The following ESRRG variants were observed in gnomAD, a reference collection of about 807,000 sequenced individuals.
ESRRG encodes estrogen related receptor gamma.
Under a neutral mutation model 44.0 loss-of-function variants are expected in ESRRG, and 13 were observed. The ratio of observed to expected loss-of-function variants is 0.30; its 90% CI spans 0.19 to 0.47. The LOEUF is 0.47. ESRRG is among the 20% of genes least tolerant of loss of function. The pLI, the probability that ESRRG is intolerant of heterozygous loss-of-function variation, is 1.00. For synonymous variants in ESRRG, 215 were observed against 214.6 expected (o/e 1.00, Z -0.02); for missense variants, 395 against 580.6 (o/e 0.68, Z 3.29).
chr1:217,067,229 C>A (rs1291176165), intron 1 of ESRRG, among the ~76,000 whole-genome samples: 3 of 152,172 alleles, frequency 2.0e-5, no homozygotes, highest in Non-Finnish European at 4.4e-5. Flanking sequence ...TGCAACATAG[C>A]AAATGAATGT....
chr1:216,669,949 C>T (rs1408403655), intron 2 of ESRRG, among the ~76,000 whole-genome samples: 2 of 152,008 alleles, frequency 1.3e-5, no homozygotes, highest in Non-Finnish European at 2.9e-5. Flanking sequence ...GAAAATATTA[C>T]TTCTATATTT....
intron 1 of ESRRG, among the ~76,000 whole-genome samples, chr1:216,719,151 T>A (rs1415911709): frequency 2.6e-5 from 4 of 152,060 alleles, no homozygotes; most frequent in African/African-American, 4.8e-5. Flanking sequence ...TTGGGCATTA[T>A]GCCTACCTTC....
At chr1:216,813,996 C>T (rs866872960) in intron 2 of ESRRG, among the ~76,000 whole-genome samples, 5 of 152,288 alleles carry the variant, frequency 3.3e-5, no homozygotes, top group African/African-American at 1.2e-4. Context: ...TTTTCCAATG[C>T]CTGCTTTCCT....
At chr1:216,791,211 C>T (rs1276889368) in intron 2 of ESRRG, among the ~76,000 whole-genome samples, 3 of 152,066 alleles carry the variant, frequency 2.0e-5, no homozygotes, top group Non-Finnish European at 2.9e-5. Context: ...GGGCAGATAC[C>T]TCATGGCTTG....
At chr1:216,780,880 A>G (rs2093908496) in intron 2 of ESRRG, among the ~76,000 whole-genome samples, 1 of 152,048 alleles carries the variant, frequency 6.6e-6, no homozygotes, top group African/African-American at 2.4e-5. Flanking sequence ...AAAGCTTCAT[A>G]TGTTCACGAC....
At chr1:217,047,232 G>A (rs11117758) in intron 1 of ESRRG, among the ~76,000 whole-genome samples, 29,328 of 151,936 alleles carry the variant, frequency 0.19, 3,008 homozygotes, top group Middle Eastern at 0.32. Context: ...AAGAAGTATC[G>A]TTTTTGAGCC....
At chr1:217,074,061 T>A (rs1254251403) in intron 1 of ESRRG, among the ~76,000 whole-genome samples, 6 of 151,550 alleles carry the variant, frequency 4.0e-5, no homozygotes, top group Admixed American at 3.9e-4. Context: ...TTTTTTTTTT[T>A]TTTTGAGACA....
intron 1 of ESRRG, among the ~76,000 whole-genome samples, chr1:216,713,372 A>C (rs1559366020): frequency 1.3e-5 from 2 of 152,054 alleles, no homozygotes; most frequent in Non-Finnish European, 2.9e-5. Context: ...TGAAAAAAAA[A>C]AAAAAAAGAT....
Position 216,531,393 on chromosome 1 carries a change from C to T in ESRRG, c.863-11972G>A, listed in dbSNP as rs1039373715. ...TTGTGAATATTTACTCCCAAGTTCACGGCTCGTGTTTGCTGGCTCAAGCAG... is the reference window on the plus strand; with the variant it reads ...TTGTGAATATTTACTCCCAAGTTCATGGCTCGTGTTTGCTGGCTCAAGCAG... On this transcript the variant is annotated intron_variant, in intron 5 of 6. Coordinates refer to ENST00000408911, the MANE Select transcript of ESRRG (RefSeq NM_001438.4). 2.6e-5 allele frequency among the ~76,000 whole-genome samples: 4 copies of T among 151,990 alleles called. 1 individual carries two copies. The highest frequency in any genetic ancestry group is 4.8e-5 in the African/African-American group (2 of 41,358).
intron 2 of ESRRG, among the ~76,000 whole-genome samples, chr1:216,811,233 C>T (rs902901476): frequency 1.3e-5 from 2 of 151,662 alleles, no homozygotes; most frequent in African/African-American, 4.9e-5. Flanking sequence ...TTCATTTAGT[C>T]GTTATCATCT....
chr1:216,837,120 A>G (rs1462823584), intron 2 of ESRRG, among the ~76,000 whole-genome samples: 1 of 151,972 alleles, frequency 6.6e-6, no homozygotes, highest in African/African-American at 2.4e-5. Flanking sequence ...TTTTAAATAC[A>G]ACTTTTAGGC....
intron 2 of ESRRG, among the ~76,000 whole-genome samples, chr1:216,879,503 A>AT (rs1553674764): frequency 6.6e-6 from 1 of 151,088 alleles, no homozygotes; most frequent in African/African-American, 2.4e-5. Flanking sequence ...AAAAAAAAAA[A>AT]AAGAAGAAGA....
Position 217,066,978 on chromosome 1 carries a change from A to G in ESRRG, c.-106+22529T>C, listed in dbSNP as rs138529402. Among the ~76,000 whole-genome samples the G allele has an allele frequency of 4.8e-3, 732 of 152,328 alleles. 5 individuals carry two copies. The highest frequency in any genetic ancestry group is 0.016 in the African/African-American group (682 of 41,560). ...GGATTTCACTTACACCACAAATAGCATTTTACTAGAAGTAAACTGAAACCC... is the reference window on the plus strand; with the variant it reads ...GGATTTCACTTACACCACAAATAGCGTTTTACTAGAAGTAAACTGAAACCC... On this transcript the variant is annotated intron_variant, in intron 1 of 7. Transcript: ENST00000359162.
In ESRRG at chr1:216,538,249, T is replaced by C. The variant is rs11800818; in HGVS notation, c.863-18828A>G. Among the ~76,000 whole-genome samples the C allele has an allele frequency of 9.6e-3, 1,034 of 108,078 alleles. 5 individuals are homozygous for C. Among genetic ancestry groups the C allele is most frequent in the African/African-American group, 0.048 (979 of 20,190 alleles). 70.9% of individuals were successfully genotyped at this position (108,078 alleles called of 152,430 possible). A position where few individuals can be genotyped will look rare whatever the true frequency, so the allele number is the denominator to read the frequency against. On this transcript the variant is annotated intron_variant, in intron 5 of 6. Coordinates refer to ENST00000408911, the MANE Select transcript of ESRRG (RefSeq NM_001438.4). ...TGGCAAATACTTGGTTTTTAAAAAA[T>C]TAAAAATTTTGTGTGTGTGTGTGTG... is the stretch of plus-strand genomic sequence containing the variant.
intron 2 of ESRRG, among the ~76,000 whole-genome samples, chr1:216,881,946 G>A (rs1444893182): frequency 4.7e-5 from 7 of 150,212 alleles, no homozygotes; most frequent in Non-Finnish European, 7.4e-5. Flanking sequence ...TCTTCTGAAT[G>A]CAATGAGTTT....
chr1:216,894,026 C>T (rs2058125545), intron 2 of ESRRG, among the ~76,000 whole-genome samples: 1 of 152,120 alleles, frequency 6.6e-6, no homozygotes, highest in Non-Finnish European at 1.5e-5. Context: ...TTCCAAAATG[C>T]ATGTTGGCTT....
At chr1:216,675,829 G>A (rs1359414962) in intron 2 of ESRRG, among the ~76,000 whole-genome samples, 3 of 152,194 alleles carry the variant, frequency 2.0e-5, no homozygotes, top group Non-Finnish European at 4.4e-5. Flanking sequence ...ACAGTGCAGT[G>A]TTTCTTAACT....
chr1:216,692,098 C>G (rs749655576), intron 1 of ESRRG, among the ~76,000 whole-genome samples: 9 of 152,078 alleles, frequency 5.9e-5, no homozygotes, highest in Non-Finnish European at 1.2e-4. Context: ...AGAGTGTACT[C>G]CTTCTACTTA....
chr1:216,615,177 T>G (rs946333901), intron 3 of ESRRG, among the ~76,000 whole-genome samples: 3 of 152,176 alleles, frequency 2.0e-5, no homozygotes, highest in Non-Finnish European at 4.4e-5. Context: ...GACTTCCTAC[T>G]TCAAAGTGAC....
Sources: gnomAD v4.1 joint callset for allele counts (sites outside exome capture counted in the v4.1 genomes callset) on GRCh38, gnomAD v4.1.1 for gene constraint, MANE v1.5 for transcripts, NCBI Gene and HGNC (gene_info 2026-07-23, HGNC 2026-07-21) for gene names.